Variants in TTC23L observed in about 807,000 individuals in gnomAD.
TTC23L encodes the protein tetratricopeptide repeat domain 23 like.
TTC23L carries 42 observed loss-of-function variants against 48.1 expected under a neutral mutation model. The ratio of observed to expected loss-of-function variants is 0.87; its 90% CI spans 0.68 to 1.13. The LOEUF (loss-of-function observed/expected upper bound fraction) is 1.13. TTC23L is among the 50% of genes most tolerant of loss of function. The probability of loss-of-function intolerance (pLI) is 0.00; values close to 1 mark genes in which losing one functional copy is unlikely to be tolerated. For synonymous variants in TTC23L, 159 were observed against 157.2 expected, an observed-to-expected ratio of 1.01 and a Z score of -0.09; for missense variants, 391 against 421.0, an observed-to-expected ratio of 0.93 and a Z score of 0.62.
intron 4 of TTC23L, among the ~76,000 whole-genome samples, chr5:34,861,950 G>A (rs1431333624): frequency 6.6e-6 from 1 of 152,104 alleles, no homozygotes; most frequent in Non-Finnish European, 1.5e-5. Flanking sequence ...AAAAAACAAG[G>A]GGACAAATGA....
Position 34,840,743 on chromosome 5 carries a change from A to T in TTC23L, c.68+4A>T, listed in dbSNP as rs534651182. Reference sequence around the variant, plus strand: ...ACTGGGATTTCTGCTTCCATATGTAAGTATCACAGCATTTTGACATCACAG... The same window carrying T: ...ACTGGGATTTCTGCTTCCATATGTATGTATCACAGCATTTTGACATCACAG... On this transcript the variant is annotated splice_donor_region_variant and intron_variant, in intron 2 of 10. Coordinates refer to ENST00000505624, the Ensembl canonical transcript of TTC23L. 6.6e-4 allele frequency: 1,064 copies of T among 1,613,258 alleles called. 6 individuals are homozygous for T. The highest frequency in any genetic ancestry group is 5.6e-3 in the South Asian group (513 of 91,066).
chr5:34,850,302 C>T (rs1410077746), exon 4 of TTC23L: 1 of 1,613,624 alleles, frequency 6.2e-7, no homozygotes, highest in East Asian at 2.2e-5. Context: ...CTACTTGACA[C>T]TGAGAGGTAC....
At chr5:34,911,763 C>T in the TTC23L span, 1 of 1,614,068 alleles carries the variant, frequency 6.2e-7, no homozygotes. Flanking sequence ...GGAACAGCAT[C>T]AAAGGGTAAC....
chr5:34,923,086 C>T, the TTC23L span: 4 of 1,559,756 alleles, frequency 2.6e-6, no homozygotes, highest in Non-Finnish European at 2.7e-6. Flanking sequence ...CCAAAATATA[C>T]ATGATATATC....
At chr5:34,874,093 C>T (rs62356976) in intron 8 of TTC23L, among the ~76,000 whole-genome samples, 28,191 of 152,136 alleles carry the variant, frequency 0.19, 3,048 homozygotes, top group South Asian at 0.31. Context: ...AGATCTGTCA[C>T]AGAGAACTAA....
At chr5:34,866,870 A>G (rs1027501927) in intron 6 of TTC23L, 22 bp from the exon 7 acceptor site, 3 of 1,557,330 alleles carry the variant, frequency 1.9e-6, no homozygotes, top group South Asian at 2.4e-5. Flanking sequence ...GTGACTTTCT[A>G]TTTTCATCCC....
the TTC23L span, among the ~76,000 whole-genome samples, chr5:34,909,736 C>G: frequency 6.6e-6 from 1 of 152,142 alleles, no homozygotes; most frequent in African/African-American, 2.4e-5. Context: ...CAATCCTACA[C>G]CTAGGAATTA....
At chr5:34,864,699 G>T (rs1235854856) in intron 6 of TTC23L, 137 bp downstream of exon 6, 17 of 1,077,044 alleles carry the variant, frequency 1.6e-5, no homozygotes, top group Non-Finnish European at 2.2e-5. Flanking sequence ...TTACCAAATG[G>T]ATACACTGGG....
At chr5:34,865,884 T>C (rs1354017580) in intron 6 of TTC23L, among the ~76,000 whole-genome samples, 1 of 152,200 alleles carries the variant, frequency 6.6e-6, no homozygotes, top group Non-Finnish European at 1.5e-5. Flanking sequence ...GGAATACAAA[T>C]ATTGGAGTCA....
chr5:34,903,268 T>C (rs1763555028), downstream of TTC23L, among the ~76,000 whole-genome samples: 1 of 152,230 alleles, frequency 6.6e-6, no homozygotes, highest in Non-Finnish European at 1.5e-5. Context: ...AACATCCTTA[T>C]ACCTAGTAAA....
intron 2 of TTC23L, among the ~76,000 whole-genome samples, chr5:34,845,208 C>T (rs190026619): frequency 1.3e-5 from 2 of 152,354 alleles, no homozygotes; most frequent in Admixed American, 1.3e-4. Context: ...TCCATATTCT[C>T]ATTTTACAGA....
chr5:34,867,312 T>C, intron 7 of TTC23L: 2 of 535,612 alleles, frequency 3.7e-6, no homozygotes, highest in East Asian at 3.2e-5. Context: ...CACTTCCCCC[T>C]CCCCCTCTTA....
chr5:34,877,404 ATTCTTTTTTCTTTCTTTCT>A lies in TTC23L; in HGVS notation c.950-2763_950-2745del, dbSNP rs372228416. On this transcript the variant is annotated intron_variant, in intron 8 of 10. Transcript: ENST00000505624. ...TGGTTCTCCTTTGACTAACACTATT[ATTCTTTTTTCTTTCTTTCT>A]TTCTTTTTTCTTTTTTTGAGACAGA... 7.8e-3 allele frequency among the ~76,000 whole-genome samples: 824 copies of A among 106,072 alleles called. 7 individuals carry two copies. The highest frequency in any genetic ancestry group is 0.027 in the African/African-American group (783 of 28,520). 69.6% of individuals were successfully genotyped at this position (106,072 alleles called of 152,430 possible).
At chr5:34,861,189 AT>A (rs1344640563) in intron 4 of TTC23L, 2 of 152,330 alleles carry the variant, frequency 1.3e-5, no homozygotes, top group South Asian at 2.1e-4. Context: ...GGTAGTCTCA[AT>A]CTCCTGACCT....
At chr5:34,839,457 G>A (rs769885059) in intron 1 of TTC23L, 198 bp downstream of exon 1, 20 of 188,990 alleles carry the variant, frequency 1.1e-4, no homozygotes, top group Non-Finnish European at 1.6e-4. Context: ...CAGACTTGCC[G>A]CAGAACCACA....
the TTC23L span, among the ~76,000 whole-genome samples, chr5:34,912,194 G>T: frequency 1.3e-5 from 2 of 152,200 alleles, no homozygotes; most frequent in Non-Finnish European, 1.5e-5. Context: ...TTCAATGTGT[G>T]TAACAGTGGA....
the TTC23L span, chr5:34,913,808 C>A: frequency 5.7e-6 from 3 of 529,710 alleles, no homozygotes; most frequent in Admixed American, 2.7e-5. Flanking sequence ...CGTTTTTGTG[C>A]CTATCACTAC....
At chr5:34,909,468 T>C in the TTC23L span, 3 of 663,924 alleles carry the variant, frequency 4.5e-6, no homozygotes, top group African/African-American at 1.8e-5. Flanking sequence ...GAAACAGACA[T>C]GTACACAAAT....
chr5:34,850,153 C>T (rs760162735), intron 3 of TTC23L, 32 bp from the exon 4 acceptor site: 3 of 1,611,946 alleles, frequency 1.9e-6, no homozygotes, highest in Non-Finnish European at 2.5e-6. Context: ...CTCTTCCTTT[C>T]CAAAAAGTAT....
Sources: gnomAD v4.1 joint callset for allele counts (sites outside exome capture counted in the v4.1 genomes callset) on GRCh38, gnomAD v4.1.1 for gene constraint, MANE v1.5 for transcripts, NCBI Gene and HGNC (gene_info 2026-07-23, HGNC 2026-07-21) for gene names.